CD200R1L: variants seen among roughly 807,000 people sequenced by gnomAD.
The protein encoded by CD200R1L is cell surface glycoprotein CD200 receptor 2.
Under a neutral mutation model 24.8 loss-of-function variants are expected in CD200R1L, and 14 were observed. That is an observed-to-expected ratio of 0.56 (90% CI 0.37 to 0.88). The LOEUF (loss-of-function observed/expected upper bound fraction) is 0.88. Ranked by LOEUF, CD200R1L falls within the 40% of genes least tolerant of loss-of-function variation. The probability of loss-of-function intolerance (pLI) is 0.00; values close to 1 mark genes in which losing one functional copy is unlikely to be tolerated. For missense variants in CD200R1L, 299 were observed against 297.8 expected, an observed-to-expected ratio of 1.00 and a Z score of -0.03; for synonymous variants, 111 against 109.2, an observed-to-expected ratio of 1.02 and a Z score of -0.11.
chr3:112,822,698 T>C (rs1938564613), intron 6 of CD200R1L, among the ~76,000 whole-genome samples: 1 of 152,166 alleles, frequency 6.6e-6, no homozygotes, highest in Non-Finnish European at 1.5e-5. Context: ...ATAAGTGCAT[T>C]CCTGAGTGTC....
chr3:112,836,752 CTTG>C lies in CD200R1L; in HGVS notation c.-18+1187_-18+1189del, dbSNP rs552506607. On this transcript the variant is annotated intron_variant, in intron 3 of 7. Coordinates refer to ENST00000488794, the MANE Select transcript of CD200R1L (RefSeq NM_001199215.3). ...TATTTTACATTCCTAAAAATGTTACCTTGTTGTTGGTTTAATTCTTTTAGTGCA... is the reference window on the plus strand; with the variant it reads ...TATTTTACATTCCTAAAAATGTTACCTTGTTGGTTTAATTCTTTTAGTGCA... Among the ~76,000 whole-genome samples, 245 of 152,086 alleles carry C rather than the reference CTTG, an allele frequency of 1.6e-3. 2 individuals carry two copies. Among genetic ancestry groups the C allele is most frequent in the African/African-American group, 5.6e-3 (234 of 41,482 alleles).
At chr3:112,842,066 G>C (rs895346195) in intron 2 of CD200R1L, among the ~76,000 whole-genome samples, 2 of 152,328 alleles carry the variant, frequency 1.3e-5, no homozygotes, top group Admixed American at 1.3e-4. Flanking sequence ...ACAACATCTG[G>C]AACACCTCAG....
At chr3:112,824,125 G>T (rs1322567356) in intron 6 of CD200R1L, among the ~76,000 whole-genome samples, 1 of 152,106 alleles carries the variant, frequency 6.6e-6, no homozygotes, top group Non-Finnish European at 1.5e-5. Context: ...ATACAAATCA[G>T]ATACAAGTAG....
chr3:112,827,702 G>A lies in CD200R1L; in HGVS notation c.50-18C>T. The A allele has an allele frequency of 1.3e-6, 2 of 1,596,036 alleles. No individual in the cohort carries two copies. Among genetic ancestry groups the A allele is most frequent in the Non-Finnish European group, 1.7e-6 (2 of 1,171,484 alleles). On this transcript the variant is annotated intron_variant, in intron 4 of 7. Transcript: ENST00000488794. The stretch of plus-strand genomic sequence containing the variant: ...AATGTTACCTGGACACACACACAAA[G>A]GATAATGATATAGAAAACCTTGATA...
At chr3:112,828,013 A>G (rs994806327) in intron 4 of CD200R1L, among the ~76,000 whole-genome samples, 2 of 152,248 alleles carry the variant, frequency 1.3e-5, no homozygotes, top group Admixed American at 1.3e-4. Flanking sequence ...CAGAATTATA[A>G]TTTAAACAAC....
At chr3:112,840,447 C>T (rs937669897) in intron 2 of CD200R1L, among the ~76,000 whole-genome samples, 1 of 152,212 alleles carries the variant, frequency 6.6e-6, no homozygotes, top group African/African-American at 2.4e-5. Flanking sequence ...GATCTCATAA[C>T]TTACTCACTC....
chr3:112,822,042 A>G lies in CD200R1L; in HGVS notation c.617-2147T>C, dbSNP rs114108187. Among the ~76,000 whole-genome samples the G allele has an allele frequency of 3.7e-4, 57 of 152,350 alleles. 1 individual carries two copies. The highest frequency in any genetic ancestry group is 1.3e-3 in the African/African-American group (53 of 41,580). ...TGCAATGATTTGAACCTAATTCTGC[A>G]GTGACTTGTATGTGTCAGCAACTGT... On this transcript the variant is annotated intron_variant, in intron 6 of 7. Coordinates refer to ENST00000488794, the MANE Select transcript of CD200R1L (RefSeq NM_001199215.3).
intron 6 of CD200R1L, 85 bp from the exon 7 acceptor site, chr3:112,819,980 A>C: frequency 3.8e-6 from 5 of 1,300,908 alleles, no homozygotes; most frequent in Non-Finnish European, 5.2e-6. Context: ...GAACATTTTA[A>C]AATATTCTTA....
intron 6 of CD200R1L, among the ~76,000 whole-genome samples, chr3:112,822,218 A>C (rs552512786): frequency 3.6e-4 from 55 of 152,350 alleles, no homozygotes; most frequent in Non-Finnish European, 4.9e-4. Flanking sequence ...CACACTTCCA[A>C]GGATTTTTCC....
At chr3:112,844,900 G>A (rs890825946) in intron 2 of CD200R1L, among the ~76,000 whole-genome samples, 1 of 151,596 alleles carries the variant, frequency 6.6e-6, no homozygotes, top group Non-Finnish European at 1.5e-5. Flanking sequence ...CTCCAGCCTG[G>A]GCAATAAGAG....
intron 3 of CD200R1L, 34 bp downstream of exon 3, chr3:112,837,908 A>G (rs900003855): frequency 3.1e-6 from 3 of 953,968 alleles, no homozygotes; most frequent in Non-Finnish European, 4.1e-6. Flanking sequence ...CAACCCTCCC[A>G]TCAAACTGGT....
intron 2 of CD200R1L, 64 bp from the exon 3 acceptor site, chr3:112,838,074 A>G (rs1938999388): frequency 9.0e-6 from 5 of 555,714 alleles, no homozygotes; most frequent in South Asian, 7.7e-5. Flanking sequence ...GAAATGGACT[A>G]GAATCCACTG....
At chr3:112,829,171 T>A in intron 4 of CD200R1L, 148 bp downstream of exon 4, 1 of 597,944 alleles carries the variant, frequency 1.7e-6, no homozygotes, top group Non-Finnish European at 3.0e-6. Context: ...GACTGGGACA[T>A]TCAGGGTCCT....
At chr3:112,828,434 T>C (rs977628666) in intron 4 of CD200R1L, among the ~76,000 whole-genome samples, 2 of 152,246 alleles carry the variant, frequency 1.3e-5, no homozygotes, top group Non-Finnish European at 2.9e-5. Context: ...GAAATATTCA[T>C]TTCTAGTTTA....
intron 6 of CD200R1L, among the ~76,000 whole-genome samples, chr3:112,820,461 TG>T (rs941268954): frequency 1.3e-5 from 2 of 152,076 alleles, no homozygotes; most frequent in African/African-American, 2.4e-5. Flanking sequence ...GAGGGAGTCT[TG>T]CATTGTCTCT....
In CD200R1L at chr3:112,845,910, T is replaced by C; in HGVS notation, c.-318A>G. 1 of 562,638 alleles carries C rather than the reference T, an allele frequency of 1.8e-6. No homozygotes were observed. 34.9% of individuals were successfully genotyped at this position (562,638 alleles called of 1,614,324 possible). On this transcript the variant is annotated 5_prime_UTR_variant, in exon 2 of 8. Transcript: ENST00000488794. The stretch of plus-strand genomic sequence containing the variant: ...ATTTTTGCTGTCATTCTATATGTTT[T>C]TGACTGATTAACCACTGATGGGAAA...
chr3:112,819,557 A>G (rs1468395671), intron 7 of CD200R1L, among the ~76,000 whole-genome samples: 2 of 152,174 alleles, frequency 1.3e-5, no homozygotes, highest in Non-Finnish European at 2.9e-5. Context: ...ACAATGAAGC[A>G]CTTTCACAAT....
In CD200R1L at chr3:112,815,991, A is replaced by G. The variant is rs1027101045; in HGVS notation, c.741-16T>C. On this transcript the variant is annotated splice_polypyrimidine_tract_variant and intron_variant, in intron 7 of 7. Coordinates refer to ENST00000488794, the MANE Select transcript of CD200R1L (RefSeq NM_001199215.3). ...AAGAACTTTTCTGAAAGTATTACAC[A>G]AGATTTGTATTTATATCTCATTTTC... 1.3e-6 allele frequency: 1 copy of G among 780,172 alleles called. No homozygotes were observed. The highest frequency in any genetic ancestry group is 2.4e-6 in the Non-Finnish European group (1 of 417,660). 48.3% of individuals were successfully genotyped at this position (780,172 alleles called of 1,614,324 possible).
intron 6 of CD200R1L, among the ~76,000 whole-genome samples, chr3:112,826,435 T>A (rs1258301086): frequency 1.3e-5 from 2 of 152,182 alleles, no homozygotes; most frequent in East Asian, 1.9e-4. Context: ...TTCATATAGC[T>A]GGTGAACAAA....
Sources: gnomAD v4.1 joint callset for allele counts (sites outside exome capture counted in the v4.1 genomes callset) on GRCh38, gnomAD v4.1.1 for gene constraint, MANE v1.5 for transcripts, NCBI Gene and HGNC (gene_info 2026-07-23, HGNC 2026-07-21) for gene names.